Variants in MITF observed in about 807,000 individuals in gnomAD.
MITF encodes the protein melanocyte inducing transcription factor, also known as microphthalmia-associated transcription factor.
In MITF, 17 loss-of-function variants were observed where a neutral mutation model predicts 60.5. The ratio of observed to expected loss-of-function variants is 0.28; its 90% confidence interval spans 0.19 to 0.42. The LOEUF is 0.42. MITF is among the 10% of genes least tolerant of loss of function. MITF has a pLI of 1.00. For missense variants in MITF, 622 were observed against 683.5 expected, an observed-to-expected ratio of 0.91 and a Z score of 1.00; for synonymous variants, 260 against 248.5, an observed-to-expected ratio of 1.05 and a Z score of -0.43.
chr3:69,860,560 A>T (rs1171785565), intron 1 of MITF, among the ~76,000 whole-genome samples: 2 of 146,720 alleles, frequency 1.4e-5, no homozygotes, highest in South Asian at 2.2e-4. Flanking sequence ...ATCGCGCCAC[A>T]GCACTCCCGC....
chr3:69,805,649 G>C (rs1351788360), intron 1 of MITF, among the ~76,000 whole-genome samples: 1 of 152,004 alleles, frequency 6.6e-6, no homozygotes, highest in African/African-American at 2.4e-5. Context: ...TATTTGGTGA[G>C]TGAAAAAATG....
chr3:69,950,080 C>G (rs2066204430), intron 6 of MITF, among the ~76,000 whole-genome samples: 1 of 151,978 alleles, frequency 6.6e-6, no homozygotes, highest in Non-Finnish European at 1.5e-5. Context: ...AACCAAAACA[C>G]AAGTAGCTAC....
At chr3:69,757,231 CAT>C (rs963946538) in intron 1 of MITF, among the ~76,000 whole-genome samples, 4 of 151,766 alleles carry the variant, frequency 2.6e-5, no homozygotes, top group African/African-American at 9.7e-5. Flanking sequence ...TATCAGAATC[CAT>C]ATATATATAT....
intron 1 of MITF, among the ~76,000 whole-genome samples, chr3:69,852,749 G>C (rs1313359609): frequency 6.6e-6 from 1 of 152,180 alleles, no homozygotes; most frequent in Non-Finnish European, 1.5e-5. Context: ...TTTTCCAAAA[G>C]TCTTTCTGTG....
Position 69,965,272 on chromosome 3 carries a change from G to T in MITF, c.*24G>T. 4 of 1,605,992 alleles carry T rather than the reference G, an allele frequency of 2.5e-6. No individual in the cohort carries two copies. Among genetic ancestry groups the T allele is most frequent in the Non-Finnish European group, 3.4e-6 (4 of 1,173,438 alleles). The stretch of plus-strand genomic sequence containing the variant: ...AGCGAATCCTCCCTGCACTGCATTC[G>T]CACAAACTGCTTCCTTTCTTGATTC... On this transcript the variant is annotated 3_prime_UTR_variant, in exon 10 of 10. Transcript: ENST00000352241.
At chr3:69,893,089 A>G (rs1237002319) in intron 2 of MITF, among the ~76,000 whole-genome samples, 1 of 152,172 alleles carries the variant, frequency 6.6e-6, no homozygotes, top group African/African-American at 2.4e-5. Context: ...TGGCTCATAT[A>G]TAGCCATGAA....
intron 1 of MITF, among the ~76,000 whole-genome samples, chr3:69,755,453 T>G (rs1402460119): frequency 1.4e-5 from 2 of 138,662 alleles, no homozygotes; most frequent in Non-Finnish European, 3.1e-5. Flanking sequence ...TTTTTTTTTT[T>G]TTTTTTTTTT....
At chr3:69,958,521 T>C (rs560021104) in intron 8 of MITF, among the ~76,000 whole-genome samples, 14 of 150,984 alleles carry the variant, frequency 9.3e-5, no homozygotes, top group Non-Finnish European at 1.9e-4. Flanking sequence ...TACTTGTAGA[T>C]GAGGAAATGG....
chr3:69,874,206 C>T (rs577030627), intron 1 of MITF, among the ~76,000 whole-genome samples: 2 of 152,302 alleles, frequency 1.3e-5, no homozygotes, highest in South Asian at 4.1e-4. Flanking sequence ...AAAAATGCTA[C>T]AATTCCTACT....
intron 1 of MITF, among the ~76,000 whole-genome samples, chr3:69,840,950 T>C (rs762533308): frequency 4.6e-5 from 7 of 151,930 alleles, no homozygotes; most frequent in Non-Finnish European, 8.8e-5. Context: ...GAGATGGGGG[T>C]TCACCATGTT....
chr3:69,959,315 G>A lies in MITF; in HGVS notation c.1074G>A (p.Val358=), dbSNP rs1334096226. 2 of 1,613,878 alleles carry A rather than the reference G, an allele frequency of 1.2e-6. No homozygotes were observed. Among genetic ancestry groups the A allele is most frequent in the Admixed American group, 1.7e-5 (1 of 59,970 alleles). Residue 358 remains valine (V), a synonymous_variant, in exon 9 of 10, where the codon GTG becomes GTA. Transcript: ENST00000352241. The part of the protein sequence containing the change: ...WNKGTILKAS[V]DYIRKLQREQ... ...AGGGAACCATCTTAAAAGCATCCGT[G>A]GACTATATCCGAAAGTTGCAACGAG... is the stretch of plus-strand genomic sequence containing the variant.
intron 1 of MITF, among the ~76,000 whole-genome samples, chr3:69,758,112 C>G (rs1456147952): frequency 2.2e-5 from 3 of 137,892 alleles, no homozygotes; most frequent in Non-Finnish European, 4.6e-5. Flanking sequence ...ATAAATATAT[C>G]ATATGCACAC....
intron 1 of MITF, among the ~76,000 whole-genome samples, chr3:69,864,395 G>A (rs550162143): frequency 6.6e-6 from 1 of 152,320 alleles, no homozygotes; most frequent in Admixed American, 6.5e-5. Context: ...CTGGCATGTA[G>A]AAAGTGCTCA....
At chr3:69,907,210 C>G (rs993437595) in intron 2 of MITF, among the ~76,000 whole-genome samples, 1 of 152,144 alleles carries the variant, frequency 6.6e-6, no homozygotes, top group Non-Finnish European at 1.5e-5. Context: ...TAACGTAAGT[C>G]GTCCATTGAG....
chr3:69,749,461 A>G (rs1397953432), intron 1 of MITF, among the ~76,000 whole-genome samples: 4 of 152,254 alleles, frequency 2.6e-5, no homozygotes, highest in African/African-American at 9.6e-5. Flanking sequence ...CACCTCAGCC[A>G]ATAAGAACTC....
intron 1 of MITF, among the ~76,000 whole-genome samples, chr3:69,858,905 G>C (rs796249698): frequency 3.9e-5 from 6 of 152,250 alleles, no homozygotes; most frequent in African/African-American, 1.2e-4. Context: ...TTTTGAAATA[G>C]AGTCCTCGCT....
chr3:69,892,147 A>G (rs1381192810), intron 2 of MITF, among the ~76,000 whole-genome samples: 1 of 152,192 alleles, frequency 6.6e-6, no homozygotes, highest in Non-Finnish European at 1.5e-5. Flanking sequence ...TCAGAGCTCT[A>G]TGTTTCATTT....
intron 1 of MITF, chr3:69,769,525 A>G (rs932537890): frequency 6.6e-6 from 1 of 151,822 alleles, no homozygotes; most frequent in African/African-American, 2.4e-5. Flanking sequence ...GCTGGAGTAC[A>G]GTGGCTATTC....
intron 2 of MITF, among the ~76,000 whole-genome samples, chr3:69,901,746 T>G (rs895716150): frequency 6.6e-6 from 1 of 152,210 alleles, no homozygotes; most frequent in African/African-American, 2.4e-5. Context: ...TAACCCTCCC[T>G]GTCTAATTCA....
Sources: allele counts gnomAD v4.1 joint callset (sites outside exome capture counted in the v4.1 genomes callset), GRCh38; gene constraint gnomAD v4.1.1; transcripts MANE v1.5; gene names NCBI Gene and HGNC (gene_info 2026-07-23, HGNC 2026-07-21).